Variants in NLRP9 observed in about 807,000 individuals in gnomAD.
NLRP9 encodes NLR family pyrin domain containing 9.
Under a neutral mutation model 83.1 loss-of-function variants are expected in NLRP9, and 88 were observed. The observed-to-expected ratio is 1.06, with a 90% CI of 0.89 to 1.26. NLRP9 has a LOEUF of 1.26. NLRP9 is among the 50% of genes most tolerant of loss of function. The probability of loss-of-function intolerance (pLI) is 0.00; values close to 1 mark genes in which losing one functional copy is unlikely to be tolerated. For missense variants in NLRP9, 1,308 were observed against 1,179.3 expected (o/e 1.11, Z -1.60); for synonymous variants, 521 against 447.6 (o/e 1.16, Z -2.07).
chr19:55,725,863 CTAAAA>C (rs1988385459), intron 3 of NLRP9, among the ~76,000 whole-genome samples: 1 of 151,954 alleles, frequency 6.6e-6, no homozygotes, highest in South Asian at 2.1e-4. Flanking sequence ...CCCATCTCTA[CTAAAA>C]TACAAAAATT....
In NLRP9 at chr19:55,732,992, A is replaced by G. The variant is rs748498234; in HGVS notation, c.839T>C (p.Met280Thr). 1.2e-6 allele frequency: 2 copies of G among 1,614,112 alleles called. No individual in the cohort carries two copies. The highest frequency in any genetic ancestry group is 2.7e-5 in the African/African-American group (2 of 74,946). ...SLLIALGKLA[M>T]QKHYFMLRHP... is the part of the protein sequence containing the mutation. The stretch of plus-strand genomic sequence containing the variant: ...CCGCAACATAAAATAGTGTTTTTGC[A>G]TAGCCAGTTTTCCTAATGCAATAAG... The change falls in exon 2 of 9, where the codon ATG becomes ACG. Residue 280 changes from methionine (M) to threonine (T), a missense_variant. Physicochemically the swap from Met to Thr is moderately conservative, Grantham distance 81. Coordinates refer to ENST00000332836, the MANE Select transcript of NLRP9 (RefSeq NM_176820.4).
intron 4 of NLRP9, among the ~76,000 whole-genome samples, chr19:55,721,783 T>C (rs928074049): frequency 3.3e-5 from 5 of 152,232 alleles, no homozygotes; most frequent in African/African-American, 9.6e-5. Flanking sequence ...CTCCTGACAG[T>C]GAATATGTTT....
intron 3 of NLRP9, among the ~76,000 whole-genome samples, chr19:55,729,037 TA>T: frequency 3.5e-5 from 5 of 141,992 alleles, no homozygotes; most frequent in African/African-American, 1.3e-4. Flanking sequence ...ATGCTTATCT[TA>T]TTTTTCTTTT....
At chr19:55,727,958 A>G (rs976163979) in intron 3 of NLRP9, among the ~76,000 whole-genome samples, 2 of 152,226 alleles carry the variant, frequency 1.3e-5, no homozygotes, top group African/African-American at 2.4e-5. Context: ...AAAGGAACAT[A>G]GGAAAAATCC....
chr19:55,732,487 GAT>G lies in NLRP9; in HGVS notation c.1342_1343del (p.Ile448ProfsTer19). On this transcript the variant is annotated frameshift_variant, in exon 2 of 9. Coordinates refer to ENST00000332836, the MANE Select transcript of NLRP9 (RefSeq NM_176820.4). LOFTEE classifies it high-confidence loss of function. ...GDCFAFMHLC[I>X]QEFCAAMFYL... ...AAAACATGGCGGCACAAAACTCTTG[GAT>G]ACACAGATGCATGAAGGCAAAACAG... 2 of 1,614,192 alleles carry G rather than the reference GAT, an allele frequency of 1.2e-6. No homozygotes were observed. The highest frequency in any genetic ancestry group is 1.7e-6 in the Non-Finnish European group (2 of 1,180,020).
Position 55,732,402 on chromosome 19 carries a change from C to G in NLRP9, c.1429G>C (p.Val477Leu). ...NPAIGSITQL[V>L]RASVVQPQTL... is the part of the protein sequence containing the mutation. ...TGAGGCTGAACCACACTTGCTCTTACAAGCTGGGTTATGCTTCCAATGGCC... is the reference window on the plus strand; with the variant it reads ...TGAGGCTGAACCACACTTGCTCTTAGAAGCTGGGTTATGCTTCCAATGGCC... Residue 477 changes from valine (V) to leucine (L), a missense_variant, in exon 2 of 9, where the codon GTA becomes CTA. Transcript: ENST00000332836. 6.2e-7 allele frequency: 1 copy of G among 1,614,258 alleles called. No individual in the cohort carries two copies. The highest frequency in any genetic ancestry group is 8.5e-7 in the Non-Finnish European group (1 of 1,180,052).
intron 6 of NLRP9, among the ~76,000 whole-genome samples, chr19:55,714,722 C>G (rs1467050224): frequency 6.6e-6 from 1 of 152,144 alleles, no homozygotes; most frequent in Admixed American, 6.6e-5. Flanking sequence ...CCGGGAAGTC[C>G]AAGATCAAGA....
intron 3 of NLRP9, among the ~76,000 whole-genome samples, chr19:55,725,010 G>A (rs773650916): frequency 3.3e-5 from 5 of 152,050 alleles, no homozygotes; most frequent in African/African-American, 7.2e-5. Context: ...AGTGAGCCGA[G>A]ATGGTGCCAC....
intron 1 of NLRP9, among the ~76,000 whole-genome samples, chr19:55,734,239 C>CTG (rs1256617715): frequency 6.6e-6 from 1 of 151,344 alleles, no homozygotes; most frequent in African/African-American, 2.4e-5. Context: ...CAGTACGTGC[C>CTG]TGTGGTCCCA....
intron 4 of NLRP9, among the ~76,000 whole-genome samples, chr19:55,717,428 C>T (rs141272906): frequency 3.3e-5 from 5 of 152,310 alleles, no homozygotes; most frequent in South Asian, 4.1e-4. Context: ...TCAAAGCCCA[C>T]GCTTCTCACC....
At position 55,738,145 on chromosome 19, in the gene NLRP9, A is replaced by C; in HGVS notation, c.230T>G (p.Leu77Arg). 1.2e-6 allele frequency: 2 copies of C among 1,614,142 alleles called. No homozygotes were observed. Among genetic ancestry groups the C allele is most frequent in the Non-Finnish European group, 1.7e-6 (2 of 1,179,984 alleles). Residue 77 changes from leucine (L) to arginine (R), a missense_variant, in exon 1 of 9, where the codon CTA (leucine) becomes CGA (arginine). By Grantham distance (102) the Leu-to-Arg change is moderately radical (BLOSUM62 -2). Transcript: ENST00000332836. ...QAWEVTLNLF[L>R]QINRKDLWTK... is the part of the protein sequence containing the mutation. The stretch of plus-strand genomic sequence containing the variant: ...CCAGAGATCTTTCCTATTGATCTGT[A>C]GAAACAGGTTCAGTGTTACCTCCCA...
chr19:55,713,412 G>C (rs73062410), intron 6 of NLRP9, among the ~76,000 whole-genome samples: 1 of 151,624 alleles, frequency 6.6e-6, no homozygotes, highest in Non-Finnish European at 1.5e-5. Flanking sequence ...GGATAGGCAC[G>C]TGTCTACCCA....
intron 8 of NLRP9, chr19:55,711,272 T>TA (rs774470776): frequency 4.8e-5 from 33 of 689,658 alleles, no homozygotes; most frequent in Admixed American, 1.9e-4. Context: ...TTTTAAAAAT[T>TA]AAAAAAATAA....
Position 55,732,132 on chromosome 19 carries a change from C to T in NLRP9, c.1699G>A (p.Glu567Lys), listed in dbSNP as rs1988591577. 1 of 1,613,032 alleles carries T rather than the reference C, an allele frequency of 6.2e-7. No homozygotes were observed. The highest frequency in any genetic ancestry group is 8.5e-7 in the Non-Finnish European group (1 of 1,179,578). The change falls in exon 2 of 9, where the codon GAA (glutamate) becomes AAA (lysine). Residue 567 changes from glutamate to lysine, a missense_variant. Coordinates refer to ENST00000332836, the MANE Select transcript of NLRP9 (RefSeq NM_176820.4). ...FVTKVMNFFE[E>K]VFIYIGNIEH... ...ATGTTACCAATATAAATGAAAACTT[C>T]TTCAAAGAAATTCATCACTTTGGTT...
chr19:55,735,842 C>T (rs956182568), intron 1 of NLRP9, among the ~76,000 whole-genome samples: 7 of 152,002 alleles, frequency 4.6e-5, no homozygotes, highest in Middle Eastern at 6.8e-3. Flanking sequence ...CGTGCACCAC[C>T]ACGCCTGGGT....
intron 4 of NLRP9, among the ~76,000 whole-genome samples, chr19:55,723,400 C>A (rs1260200919): frequency 1.3e-5 from 2 of 152,046 alleles, no homozygotes; most frequent in African/African-American, 4.8e-5. Context: ...TGCCTGAGGG[C>A]AGAACCAGGA....
Position 55,708,945 on chromosome 19 carries a change from G to A in NLRP9, c.2943C>T (p.Asp981=), listed in dbSNP as rs753356427. Residue 981 remains aspartate, a synonymous_variant, in exon 9 of 9, where the codon GAC becomes GAT. Coordinates refer to ENST00000332836, the MANE Select transcript of NLRP9 (RefSeq NM_176820.4). ...HLTISHGPWI[D]EEYKIRGVLL is the part of the protein sequence containing the mutation. ...GCACACCCCTGATCTTGTATTCCTC[G>A]TCAATCCAAGGTCCATGTGAAATGG... 32 of 1,569,924 alleles carry A rather than the reference G, an allele frequency of 2.0e-5. No homozygotes were observed. Among genetic ancestry groups the A allele is most frequent in the East Asian group, 1.5e-4 (6 of 41,332 alleles).
rs768149109 is a variant in NLRP9, at chr19:55,732,041, C to T, written c.1790G>A (p.Cys597Tyr). 1.3e-5 allele frequency: 21 copies of T among 1,594,350 alleles called. No homozygotes were observed. Among genetic ancestry groups the T allele is most frequent in the Non-Finnish European group, 1.7e-5 (20 of 1,172,582 alleles). ...HCQHLTTLRM[C>Y]VENIFPDDSG... ...GTCATCTGGAAAGATATTCTCCACA[C>T]ACATGCGAAGTGTCGTTAAATGTTG... The change falls in exon 2 of 9, where the codon TGT (cysteine) becomes TAT (tyrosine). Residue 597 changes from cysteine to tyrosine, a missense_variant. By Grantham distance (194) the Cys-to-Tyr change is radical. Transcript: ENST00000332836.
rs752636434 is a variant in NLRP9, at chr19:55,715,125, G to A, written c.2431C>T (p.Leu811=). ...AGAGATGCCACTCCATTATCTTCCA[G>A]GGCATTTGAGCCCAGATCGAGGAGG... The part of the protein sequence containing the change: ...LSLLDLGSNA[L]EDNGVASLCA... Residue 811 remains leucine, a synonymous_variant, in exon 6 of 9, where the codon CTG becomes TTG. Coordinates refer to ENST00000332836, the MANE Select transcript of NLRP9 (RefSeq NM_176820.4). 6.2e-7 allele frequency: 1 copy of A among 1,613,254 alleles called. No individual in the cohort carries two copies. Among genetic ancestry groups the A allele is most frequent in the South Asian group, 1.1e-5 (1 of 91,056 alleles).
Sources: allele counts gnomAD v4.1 joint callset (sites outside exome capture counted in the v4.1 genomes callset), GRCh38; gene constraint gnomAD v4.1.1; transcripts MANE v1.5; gene names NCBI Gene and HGNC (gene_info 2026-07-23, HGNC 2026-07-21).